Variants in AKAP6 observed in about 807,000 individuals in gnomAD.
AKAP6 encodes A-kinase anchoring protein 6, also known as A-kinase anchor protein 6.
In AKAP6, 58 loss-of-function variants were observed where a neutral mutation model predicts 188.5. The observed-to-expected ratio is 0.31, with a 90% CI of 0.25 to 0.38. The LOEUF is 0.38. Ranked by LOEUF, AKAP6 falls within the 10% of genes least tolerant of loss-of-function variation. AKAP6 has a pLI of 1.00. For missense variants in AKAP6, 2,710 were observed against 2,740.0 expected, an observed-to-expected ratio of 0.99 and a Z score of 0.24; for synonymous variants, 989 against 998.6, an observed-to-expected ratio of 0.99 and a Z score of 0.18.
At chr14:32,648,314 G>A (rs930916675) in intron 7 of AKAP6, among the ~76,000 whole-genome samples, 2 of 152,078 alleles carry the variant, frequency 1.3e-5, no homozygotes, top group East Asian at 1.9e-4. Context: ...CTCAGGTTGT[G>A]GCTTTCTTGT....
At chr14:32,702,871 C>T (rs1049395020) in intron 9 of AKAP6, among the ~76,000 whole-genome samples, 3 of 152,114 alleles carry the variant, frequency 2.0e-5, no homozygotes, top group Non-Finnish European at 4.4e-5. Context: ...TCTCAGGGCC[C>T]TCCTTTTGGC....
At chr14:32,776,107 T>A (rs2033052938) in intron 12 of AKAP6, among the ~76,000 whole-genome samples, 1 of 152,228 alleles carries the variant, frequency 6.6e-6, no homozygotes, top group Non-Finnish European at 1.5e-5. Flanking sequence ...ATCAGAATCC[T>A]CTAAGTTGGC....
intron 7 of AKAP6, among the ~76,000 whole-genome samples, chr14:32,621,255 A>G (rs1290561516): frequency 1.3e-5 from 2 of 151,242 alleles, no homozygotes; most frequent in Non-Finnish European, 3.0e-5. Flanking sequence ...TACTTTCTTG[A>G]GGTGTGGCAA....
intron 11 of AKAP6, among the ~76,000 whole-genome samples, chr14:32,760,723 C>G (rs2032508340): frequency 6.6e-6 from 1 of 152,062 alleles, no homozygotes; most frequent in African/African-American, 2.4e-5. Flanking sequence ...AGAAAATGGT[C>G]TTGAAAAATT....
chr14:32,544,441 A>C (rs1883096452), intron 3 of AKAP6, among the ~76,000 whole-genome samples: 2 of 152,194 alleles, frequency 1.3e-5, no homozygotes, highest in East Asian at 1.9e-4. Flanking sequence ...AAAAATAGTT[A>C]ATCGTAATGC....
intron 9 of AKAP6, among the ~76,000 whole-genome samples, chr14:32,697,543 GA>G (rs1222710278): frequency 2.6e-5 from 4 of 152,114 alleles, no homozygotes; most frequent in African/African-American, 7.2e-5. Context: ...TTTAGTGATA[GA>G]AAAATATTTT....
intron 1 of AKAP6, among the ~76,000 whole-genome samples, chr14:32,391,897 A>G (rs1888729623): frequency 6.6e-6 from 1 of 152,224 alleles, no homozygotes; most frequent in Non-Finnish European, 1.5e-5. Context: ...GAATGGACTA[A>G]TATGGGAGGG....
At chr14:32,750,015 T>G (rs2032063926) in intron 11 of AKAP6, among the ~76,000 whole-genome samples, 1 of 152,242 alleles carries the variant, frequency 6.6e-6, no homozygotes, top group African/African-American at 2.4e-5. Flanking sequence ...ATAAGAATAT[T>G]AAGCCCATTC....
intron 1 of AKAP6, among the ~76,000 whole-genome samples, chr14:32,332,240 G>A (rs144024827): frequency 2.6e-4 from 39 of 152,070 alleles, no homozygotes; most frequent in African/African-American, 8.4e-4. Context: ...GCTTACCCAC[G>A]GCCATCTCAG....
chr14:32,821,036 G>A (rs538121515), intron 12 of AKAP6, among the ~76,000 whole-genome samples: 68 of 152,268 alleles, frequency 4.5e-4, no homozygotes, highest in African/African-American at 1.6e-3. Context: ...TGCACCTTAG[G>A]AGATGTCATA....
intron 2 of AKAP6, among the ~76,000 whole-genome samples, chr14:32,497,695 T>G (rs10136639): frequency 0.024 from 3,638 of 152,002 alleles, 87 homozygotes; most frequent in South Asian, 0.099. Context: ...ATTTTATATA[T>G]ATATATATTT....
At chr14:32,731,485 A>G (rs2031174302) in intron 9 of AKAP6, among the ~76,000 whole-genome samples, 1 of 152,126 alleles carries the variant, frequency 6.6e-6, no homozygotes, top group Non-Finnish European at 1.5e-5. Flanking sequence ...TGTAGGGCAA[A>G]AGAACAAAAT....
chr14:32,330,581 A>G (rs1056922876), intron 1 of AKAP6, among the ~76,000 whole-genome samples: 1 of 152,006 alleles, frequency 6.6e-6, no homozygotes, highest in Non-Finnish European at 1.5e-5. Context: ...CCAAATTGAT[A>G]GTTTTTACTC....
At chr14:32,684,953 T>C (rs1293665887) in intron 8 of AKAP6, among the ~76,000 whole-genome samples, 3 of 152,090 alleles carry the variant, frequency 2.0e-5, no homozygotes, top group African/African-American at 7.2e-5. Flanking sequence ...TTTAGATACA[T>C]CCTTATAGAA....
At chr14:32,399,667 T>A (rs17098983) in intron 1 of AKAP6, among the ~76,000 whole-genome samples, 1 of 152,158 alleles carries the variant, frequency 6.6e-6, no homozygotes, top group East Asian at 1.9e-4. Flanking sequence ...GGCTGATTTC[T>A]TGTTGAGGTC....
chr14:32,568,627 G>C lies in AKAP6; in HGVS notation c.2347-8493G>C, dbSNP rs1220337537. ...GGTGCTTGAAGCAAGGTCTCACCTA[G>C]AGCAAGTCTGCCAAGCTTTGGGGCA... On this transcript the variant is annotated intron_variant, in intron 4 of 13. Transcript: ENST00000280979. This position sits in a 1 kb window ranked among gnomAD's most constrained non-coding sequence, Gnocchi z 6.2. Among the ~76,000 whole-genome samples the C allele has an allele frequency of 6.6e-6, 1 of 152,154 alleles. No individual in the cohort carries two copies. The highest frequency in any genetic ancestry group is 1.5e-5 in the Non-Finnish European group (1 of 68,036).
chr14:32,599,735 C>T (rs972525386), intron 6 of AKAP6, among the ~76,000 whole-genome samples: 15 of 152,038 alleles, frequency 9.9e-5, no homozygotes, highest in African/African-American at 3.6e-4. Context: ...TTTGGGCTGC[C>T]GTTTGCCTGA....
At chr14:32,618,301 T>A (rs951604830) in intron 7 of AKAP6, among the ~76,000 whole-genome samples, 1 of 152,180 alleles carries the variant, frequency 6.6e-6, no homozygotes, top group East Asian at 1.9e-4. Flanking sequence ...ACCAGAGTAG[T>A]ATACATTGTA....
At chr14:32,648,727 A>G (rs1888084949) in intron 7 of AKAP6, among the ~76,000 whole-genome samples, 1 of 152,150 alleles carries the variant, frequency 6.6e-6, no homozygotes, top group East Asian at 1.9e-4. Context: ...TGAATGAATC[A>G]CTAATAGATT....
Sources: gnomAD v4.1 joint callset for allele counts (sites outside exome capture counted in the v4.1 genomes callset) on GRCh38, gnomAD v4.1.1 for gene constraint, Gnocchi (gnomAD v3.1) non-coding constraint, MANE v1.5 for transcripts, NCBI Gene and HGNC (gene_info 2026-07-23, HGNC 2026-07-21) for gene names.